ADGRB3: variants seen among roughly 807,000 people sequenced by gnomAD.
The protein encoded by ADGRB3 is adhesion G protein-coupled receptor B3.
A neutral mutation model predicts 193.4 loss-of-function variants in ADGRB3; 37 were observed. That is an observed-to-expected ratio of 0.19 (90% CI 0.15 to 0.25). The LOEUF (loss-of-function observed/expected upper bound fraction) is 0.25, where lower values mean the gene tolerates loss of function less well. Ranked by LOEUF, ADGRB3 falls within the 10% of genes least tolerant of loss-of-function variation. The pLI is 1.00. For missense variants in ADGRB3, 1,637 were observed against 1,852.9 expected, an observed-to-expected ratio of 0.88 and a Z score of 2.14; for synonymous variants, 690 against 644.2, an observed-to-expected ratio of 1.07 and a Z score of -1.08.
intron 8 of ADGRB3, among the ~76,000 whole-genome samples, chr6:68,963,341 A>G (rs1477601452): frequency 3.3e-5 from 5 of 152,062 alleles, no homozygotes; most frequent in Non-Finnish European, 4.4e-5. Flanking sequence ...TATTATGACA[A>G]CACCTGCCTT....
chr6:69,322,568 C>G (rs1186134534), intron 20 of ADGRB3, among the ~76,000 whole-genome samples: 1 of 151,828 alleles, frequency 6.6e-6, no homozygotes, highest in Non-Finnish European at 1.5e-5. Context: ...GATGGTATCT[C>G]ACTCACTATT....
intron 5 of ADGRB3, among the ~76,000 whole-genome samples, chr6:68,942,369 A>G (rs1562094663): frequency 6.6e-6 from 1 of 152,130 alleles, no homozygotes; most frequent in African/African-American, 2.4e-5. Flanking sequence ...TCCTCTATAA[A>G]TTTCTACTCT....
At chr6:68,683,763 C>A (rs1764936689) in intron 3 of ADGRB3, among the ~76,000 whole-genome samples, 1 of 152,106 alleles carries the variant, frequency 6.6e-6, no homozygotes, top group Non-Finnish European at 1.5e-5. Flanking sequence ...TTTATAAATA[C>A]CTGCTAATAG....
At chr6:69,141,125 T>TG (rs1774324999) in intron 17 of ADGRB3, among the ~76,000 whole-genome samples, 1 of 48,744 alleles carries the variant, frequency 2.1e-5, no homozygotes, top group Non-Finnish European at 5.5e-5. Context: ...CTTTCTTTTT[T>TG]TTTGGGGGGG....
chr6:68,727,327 C>T (rs1329493063), intron 3 of ADGRB3, among the ~76,000 whole-genome samples: 1 of 151,540 alleles, frequency 6.6e-6, no homozygotes, highest in Non-Finnish European at 1.5e-5. Flanking sequence ...TAGTTGAAAA[C>T]TTTTGGAAAA....
At position 69,243,671 on chromosome 6, in the gene ADGRB3, C is replaced by A. The variant is rs116769369; in HGVS notation, c.2814+4445C>A. ...AGTGATTAACCAGACACTAGTTCAC[C>A]AATAAAGACTAATCTTTTATATTTA... On this transcript the variant is annotated intron_variant, in intron 20 of 31. Coordinates refer to ENST00000370598, the MANE Select transcript of ADGRB3 (RefSeq NM_001704.3). Among the ~76,000 whole-genome samples, 449 of 151,988 alleles carry A rather than the reference C, an allele frequency of 3.0e-3. 1 individual carries two copies. The highest frequency in any genetic ancestry group is 0.01 in the African/African-American group (422 of 41,494).
At chr6:68,804,908 AT>A (rs930852990) in intron 3 of ADGRB3, among the ~76,000 whole-genome samples, 5 of 151,550 alleles carry the variant, frequency 3.3e-5, no homozygotes, top group African/African-American at 1.2e-4. Context: ...TTCCCACAGT[AT>A]TTTTTTAATT....
intron 17 of ADGRB3, among the ~76,000 whole-genome samples, chr6:69,195,090 A>T (rs976712189): frequency 6.6e-6 from 1 of 152,138 alleles, no homozygotes; most frequent in African/African-American, 2.4e-5. Context: ...ATATCCTAAG[A>T]ATTCAAGGAC....
intron 3 of ADGRB3, among the ~76,000 whole-genome samples, chr6:68,655,547 T>G (rs532016474): frequency 6.6e-6 from 1 of 151,834 alleles, no homozygotes; most frequent in East Asian, 1.9e-4. Flanking sequence ...TTAATGGACC[T>G]CAGAGAAATT....
intron 3 of ADGRB3, among the ~76,000 whole-genome samples, chr6:68,846,360 T>C (rs985514188): frequency 6.6e-6 from 1 of 152,214 alleles, no homozygotes; most frequent in African/African-American, 2.4e-5. Flanking sequence ...TTTGCATAAA[T>C]AGCAAGGAGC....
At chr6:69,209,416 G>A (rs752109412) in intron 17 of ADGRB3, among the ~76,000 whole-genome samples, 1 of 152,124 alleles carries the variant, frequency 6.6e-6, no homozygotes, top group African/African-American at 2.4e-5. Context: ...ATTTTACTGA[G>A]GTAGAAGGTC....
At position 69,062,161 on chromosome 6, in the gene ADGRB3, T is replaced by C. The variant is rs1383999592; in HGVS notation, c.2334-773T>C. On this transcript the variant is annotated intron_variant, in intron 15 of 31. Coordinates refer to ENST00000370598, the MANE Select transcript of ADGRB3 (RefSeq NM_001704.3). Reference sequence around the variant, plus strand: ...TAAAATTAAATCATCTTTAAATCTCTAAATACTAGATGATCTGCAGCATTT... The same window carrying C: ...TAAAATTAAATCATCTTTAAATCTCCAAATACTAGATGATCTGCAGCATTT... 2.0e-5 allele frequency among the ~76,000 whole-genome samples: 3 copies of C among 151,982 alleles called. No individual in the cohort carries two copies. In the East Asian group the frequency reaches 5.8e-4, roughly 29 times the overall value.
chr6:69,183,916 G>A (rs1765007570), intron 17 of ADGRB3, among the ~76,000 whole-genome samples: 1 of 151,940 alleles, frequency 6.6e-6, no homozygotes, highest in Admixed American at 6.6e-5. Context: ...AATCTTCCTT[G>A]CATTATAATT....
At chr6:69,134,353 T>C (rs1159399671) in intron 17 of ADGRB3, among the ~76,000 whole-genome samples, 1 of 152,166 alleles carries the variant, frequency 6.6e-6, no homozygotes, top group Non-Finnish European at 1.5e-5. Context: ...ACTTCCTGTA[T>C]CTTTTAGAGC....
chr6:69,230,532 A>G (rs1766110305), intron 17 of ADGRB3, among the ~76,000 whole-genome samples: 1 of 152,246 alleles, frequency 6.6e-6, no homozygotes, highest in Non-Finnish European at 1.5e-5. Flanking sequence ...TACAGTAGGA[A>G]TAAGCTATGA....
intron 23 of ADGRB3, chr6:69,331,509 A>G: frequency 1.0e-6 from 1 of 984,704 alleles, no homozygotes; most frequent in Non-Finnish European, 1.2e-6. Context: ...ACTAATTCTG[A>G]TATGTCTGTT....
At position 69,325,031 on chromosome 6, in the gene ADGRB3, A is replaced by G. The variant is rs766235582; in HGVS notation, c.2965+9A>G. On this transcript the variant is annotated intron_variant, in intron 21 of 31. Transcript: ENST00000370598. ...TTTGTGCCTTGGATGGGGTAAGCAT[A>G]TTGATATACCGTTTCATGCTCTTCT... is the stretch of plus-strand genomic sequence containing the variant. 2 of 1,611,596 alleles carry G rather than the reference A, an allele frequency of 1.2e-6. No individual in the cohort carries two copies.
intron 29 of ADGRB3, among the ~76,000 whole-genome samples, chr6:69,365,793 A>G (rs1258806690): frequency 6.6e-6 from 1 of 152,096 alleles, no homozygotes; most frequent in Non-Finnish European, 1.5e-5. Flanking sequence ...TAGAGCTCTC[A>G]GCATAATGGT....
At chr6:68,815,427 G>A (rs573072134) in intron 3 of ADGRB3, among the ~76,000 whole-genome samples, 115 of 152,240 alleles carry the variant, frequency 7.6e-4, no homozygotes, top group Admixed American at 2.2e-3. Flanking sequence ...TATGAAAGAA[G>A]TCAAACAGTC....
Sources: allele counts gnomAD v4.1 joint callset (sites outside exome capture counted in the v4.1 genomes callset), GRCh38; gene constraint gnomAD v4.1.1; transcripts MANE v1.5; gene names NCBI Gene and HGNC (gene_info 2026-07-23, HGNC 2026-07-21).